The following TAF1B variants were observed in gnomAD, a reference collection of about 807,000 sequenced individuals.
The protein encoded by TAF1B is TATA-box binding protein associated factor, RNA polymerase I subunit B.
Under a neutral mutation model 83.9 loss-of-function variants are expected in TAF1B, and 61 were observed. That is an observed-to-expected ratio of 0.73 (90% CI 0.59 to 0.90). The LOEUF (loss-of-function observed/expected upper bound fraction) is 0.90. Among genes scored for constraint, TAF1B ranks in the 40% least tolerant of loss-of-function variants. The pLI, the probability that TAF1B is intolerant of heterozygous loss-of-function variation, is 0.00. For synonymous variants in TAF1B, 221 were observed against 224.6 expected, an observed-to-expected ratio of 0.98 and a Z score of 0.14; for missense variants, 625 against 677.0, an observed-to-expected ratio of 0.92 and a Z score of 0.85.
intron 5 of TAF1B, among the ~76,000 whole-genome samples, chr2:9,863,328 C>G (rs1229375653): frequency 6.6e-6 from 1 of 152,126 alleles, no homozygotes; most frequent in East Asian, 1.9e-4. Context: ...TTTAAACCAA[C>G]AAAGATCAAA....
chr2:9,850,173 T>A (rs1663341227), intron 3 of TAF1B, among the ~76,000 whole-genome samples: 1 of 152,186 alleles, frequency 6.6e-6, no homozygotes, highest in South Asian at 2.1e-4. Context: ...AAAACCTGAT[T>A]AACTTTTAAA....
intron 5 of TAF1B, among the ~76,000 whole-genome samples, chr2:9,866,110 T>TTAAA (rs1663966237): frequency 6.7e-6 from 1 of 150,012 alleles, no homozygotes; most frequent in East Asian, 2.0e-4. Flanking sequence ...CTAAAGAGCT[T>TTAAA]CTGCACAGCA....
chr2:9,911,381 A>G, intron 10 of TAF1B, 130 bp from the exon 11 acceptor site: 1 of 664,310 alleles, frequency 1.5e-6, no homozygotes, highest in Non-Finnish European at 2.5e-6. Flanking sequence ...TGTTTCAGTG[A>G]TTGCTTCTCC....
chr2:9,896,867 G>A (rs938939428), intron 8 of TAF1B, among the ~76,000 whole-genome samples: 4 of 152,198 alleles, frequency 2.6e-5, no homozygotes, highest in African/African-American at 9.7e-5. Context: ...TAAGAGCAGA[G>A]CAGAGCTCAG....
At position 9,914,478 on chromosome 2, in the gene TAF1B, G is replaced by C. The variant is rs1053570099; in HGVS notation, c.1271+1229G>C. On this transcript the variant is annotated intron_variant, in intron 12 of 14. Transcript: ENST00000263663. This position sits in a 1 kb window ranked among gnomAD's most constrained non-coding sequence, Gnocchi z 4.3. The stretch of plus-strand genomic sequence containing the variant: ...GTGCTAGCTGGGGTTAGTCCTGACG[G>C]ATCCTAAGGACTGGGTGCCTAGGGG... Among the ~76,000 whole-genome samples the C allele has an allele frequency of 2.0e-5, 3 of 152,118 alleles. No individual in the cohort carries two copies. The highest frequency in any genetic ancestry group is 4.4e-5 in the Non-Finnish European group (3 of 68,014).
chr2:9,890,864 A>G (rs899720657), intron 8 of TAF1B, among the ~76,000 whole-genome samples: 1 of 152,120 alleles, frequency 6.6e-6, no homozygotes, highest in Non-Finnish European at 1.5e-5. Flanking sequence ...TCCACCTCCC[A>G]GGTTCAAGCG....
chr2:9,854,302 C>T (rs1157189317), intron 4 of TAF1B, 24 bp from the exon 5 acceptor site: 2 of 1,570,930 alleles, frequency 1.3e-6, no homozygotes, highest in East Asian at 2.2e-5. Context: ...GAATCACCCA[C>T]CACTCATTTC....
At chr2:9,858,651 G>C (rs1466670132) in intron 5 of TAF1B, among the ~76,000 whole-genome samples, 2 of 152,242 alleles carry the variant, frequency 1.3e-5, no homozygotes, top group Non-Finnish European at 2.9e-5. Flanking sequence ...AATCTAGGCA[G>C]AGGTTCCCAA....
intron 5 of TAF1B, among the ~76,000 whole-genome samples, chr2:9,857,702 A>G (rs754665552): frequency 6.6e-6 from 1 of 152,198 alleles, no homozygotes; most frequent in Non-Finnish European, 1.5e-5. Flanking sequence ...GAGGGGAAGT[A>G]AGGCATGTCT....
At chr2:9,933,575 G>A (rs551755765) in intron 14 of TAF1B, among the ~76,000 whole-genome samples, 1 of 152,282 alleles carries the variant, frequency 6.6e-6, no homozygotes, top group East Asian at 1.9e-4. Context: ...TGTGGCCCTT[G>A]TGTGGTGGCC....
chr2:9,893,351 T>A (rs1270157935), intron 8 of TAF1B, among the ~76,000 whole-genome samples: 1 of 152,126 alleles, frequency 6.6e-6, no homozygotes. Context: ...TAAAACAAGG[T>A]AGCTAGGTAA....
chr2:9,852,179 A>G (rs1663417546), intron 4 of TAF1B: 1 of 358,098 alleles, frequency 2.8e-6, no homozygotes. Flanking sequence ...GTATGTCTGG[A>G]GTAGAGCCCA....
At chr2:9,917,795 G>C (rs1303194798) in intron 12 of TAF1B, among the ~76,000 whole-genome samples, 2 of 151,792 alleles carry the variant, frequency 1.3e-5, no homozygotes, top group Non-Finnish European at 2.9e-5. Flanking sequence ...GGAGCCGGCC[G>C]GGCGCGGTGG....
At chr2:9,849,567 G>T (rs1452074009) in intron 3 of TAF1B, 107 bp downstream of exon 3, 7 of 715,280 alleles carry the variant, frequency 9.8e-6, no homozygotes, top group Non-Finnish European at 1.3e-5. Flanking sequence ...GAAAATGCCA[G>T]ATTTTATCTA....
rs140827635 is a variant in TAF1B, at chr2:9,852,086, C to T, written c.303+448C>T. 15 of 466,612 alleles carry T rather than the reference C, an allele frequency of 3.2e-5. No homozygotes were observed. In the East Asian group the frequency reaches 4.9e-4, roughly 15 times the overall value. 28.9% of individuals were successfully genotyped at this position (466,612 alleles called of 1,614,324 possible). On this transcript the variant is annotated intron_variant, in intron 4 of 14. Coordinates refer to ENST00000263663, the MANE Select transcript of TAF1B (RefSeq NM_005680.3). Reference sequence around the variant, plus strand: ...TTGGACAGCGATATGCTAAACCAGTCGTTCACCTGAGTGCATCAGAATCAC... The same window carrying T: ...TTGGACAGCGATATGCTAAACCAGTTGTTCACCTGAGTGCATCAGAATCAC...
chr2:9,885,720 A>G (rs764690326), intron 8 of TAF1B, among the ~76,000 whole-genome samples: 9 of 151,588 alleles, frequency 5.9e-5, no homozygotes, highest in Non-Finnish European at 1.2e-4. Context: ...TTTCTTCTGT[A>G]TGTCTCCCTT....
intron 14 of TAF1B, among the ~76,000 whole-genome samples, chr2:9,921,806 T>C (rs566222020): frequency 1.3e-5 from 2 of 152,372 alleles, no homozygotes; most frequent in East Asian, 3.9e-4. Flanking sequence ...ATTCAGGCTA[T>C]GCCATGAAGT....
intron 8 of TAF1B, among the ~76,000 whole-genome samples, chr2:9,891,339 A>G (rs1664869186): frequency 6.6e-6 from 1 of 152,168 alleles, no homozygotes; most frequent in Non-Finnish European, 1.5e-5. Context: ...CTTTTTTAAA[A>G]TTACTGTCCT....
At chr2:9,905,588 G>A (rs11686239) in intron 9 of TAF1B, among the ~76,000 whole-genome samples, 52,081 of 151,948 alleles carry the variant, frequency 0.34, 9,720 homozygotes, top group African/African-American at 0.48. Flanking sequence ...GGTAACCTCA[G>A]TGGAATCTGC....
Sources: gnomAD v4.1 joint callset for allele counts (sites outside exome capture counted in the v4.1 genomes callset) on GRCh38, gnomAD v4.1.1 for gene constraint, Gnocchi (gnomAD v3.1) non-coding constraint, MANE v1.5 for transcripts, NCBI Gene and HGNC (gene_info 2026-07-23, HGNC 2026-07-21) for gene names.